CPLANE1: variants seen among roughly 807,000 people sequenced by gnomAD.
CPLANE1 encodes ciliogenesis and planar polarity effector complex subunit 1.
Under a neutral mutation model 362.5 loss-of-function variants are expected in CPLANE1, and 263 were observed. The observed-to-expected ratio is 0.73, with a 90% CI of 0.66 to 0.80. The LOEUF is 0.80. Among genes scored for constraint, CPLANE1 ranks in the 30% least tolerant of loss-of-function variants. CPLANE1 has a pLI of 0.00. For missense variants in CPLANE1, 3,461 were observed against 3,793.4 expected, an observed-to-expected ratio of 0.91 and a Z score of 2.30; for synonymous variants, 1,212 against 1,302.6, an observed-to-expected ratio of 0.93 and a Z score of 1.50.
At chr5:37,178,706 A>C (rs1166751418) in intron 29 of CPLANE1, among the ~76,000 whole-genome samples, 1 of 152,118 alleles carries the variant, frequency 6.6e-6, no homozygotes, top group African/African-American at 2.4e-5. Flanking sequence ...TGAGAAAAAT[A>C]ATATCAAAAA....
In CPLANE1 at chr5:37,183,216, T is replaced by C. The variant is rs760645012; in HGVS notation, c.4965A>G (p.Gln1655=). The part of the protein sequence containing the change: ...QKLSSSVLVN[Q]GIKPFLQYPS... ...GATATTGTAAAAAAGGTTTGATCCC[T>C]TGATTAACCAGTACTGATGATGAAA... The change falls in exon 26 of 53, where the codon CAA becomes CAG. Residue 1655 remains glutamine, a synonymous_variant. Transcript: ENST00000651892. The C allele has an allele frequency of 5.6e-6, 9 of 1,611,452 alleles. No homozygotes were observed. In the East Asian group the frequency reaches 1.8e-4, roughly 32 times the overall value.
In CPLANE1 at chr5:37,168,907, G is replaced by C; in HGVS notation, c.7117C>G (p.Pro2373Ala). 3 of 1,614,186 alleles carry C rather than the reference G, an allele frequency of 1.9e-6. No homozygotes were observed. The highest frequency in any genetic ancestry group is 2.5e-6 in the Non-Finnish European group (3 of 1,180,036). ...YLPLKPPNMF[P>A]STSRASITVP... ...GTAATAGATGCTCTTGAGGTTGATG[G>C]AAACATATTAGGAGGTTTAAGTGGC... Residue 2373 changes from proline (P) to alanine (A), a missense_variant, in exon 34 of 53, where the codon CCA becomes GCA. By Grantham distance (27) the Pro-to-Ala change is conservative. Around this residue, in one of 2 missense-constraint regions of CPLANE1, gnomAD observed 3,380 missense variants for 3,666.1 expected, o/e 0.92. Coordinates refer to ENST00000651892, the MANE Select transcript of CPLANE1 (RefSeq NM_001384732.1).
the CPLANE1 span, among the ~76,000 whole-genome samples, chr5:37,099,505 G>C: frequency 6.6e-6 from 1 of 152,104 alleles, no homozygotes; most frequent in Non-Finnish European, 1.5e-5. Context: ...AGTATTCCAT[G>C]GTGTATATGT....
At chr5:37,157,547 A>G in intron 40 of CPLANE1, 123 bp downstream of exon 40, 1 of 1,117,470 alleles carries the variant, frequency 8.9e-7, no homozygotes, top group Non-Finnish European at 1.3e-6. Context: ...ATTTCTGTGC[A>G]TGTAAACATC....
chr5:37,134,663 C>T (rs1033191503), intron 46 of CPLANE1, among the ~76,000 whole-genome samples: 17 of 151,994 alleles, frequency 1.1e-4, no homozygotes, highest in Non-Finnish European at 2.2e-4. Context: ...ATTTTAGTTA[C>T]TTATTTTCTT....
intron 8 of CPLANE1, among the ~76,000 whole-genome samples, chr5:37,236,857 C>T (rs1476015385): frequency 6.6e-6 from 1 of 151,642 alleles, no homozygotes; most frequent in African/African-American, 2.4e-5. Context: ...CAAATTAAAA[C>T]CACAACGAGA....
chr5:37,142,491 G>A lies in CPLANE1; in HGVS notation c.8462-11C>T, dbSNP rs1189920527. On this transcript the variant is annotated splice_polypyrimidine_tract_variant and intron_variant, in intron 43 of 52. Coordinates refer to ENST00000651892, the MANE Select transcript of CPLANE1 (RefSeq NM_001384732.1). ...GGGTCAAAAAACGCACTAATCCAGA[G>A]TATATATTACAATTAAAATAAAATA... is the stretch of plus-strand genomic sequence containing the variant. 1.3e-6 allele frequency: 2 copies of A among 1,506,158 alleles called. No homozygotes were observed. Among genetic ancestry groups the A allele is most frequent in the East Asian group, 2.4e-5 (1 of 41,974 alleles). The allele number at this position is 1,506,158 out of a possible 1,614,324, so 93.3% of individuals were successfully genotyped here.
intron 18 of CPLANE1, among the ~76,000 whole-genome samples, chr5:37,203,773 C>T (rs546800819): frequency 6.6e-6 from 1 of 152,326 alleles, no homozygotes; most frequent in South Asian, 2.1e-4. Context: ...TGGCCTTAGC[C>T]TCCCAAAGCA....
intron 44 of CPLANE1, chr5:37,141,648 C>T: frequency 1.0e-6 from 1 of 981,142 alleles, no homozygotes; most frequent in Non-Finnish European, 1.2e-6. Context: ...TCAGTAAAAT[C>T]ATTTTAATTG....
intron 42 of CPLANE1, among the ~76,000 whole-genome samples, chr5:37,151,435 T>C (rs1773533521): frequency 6.6e-6 from 1 of 152,230 alleles, no homozygotes; most frequent in African/African-American, 2.4e-5. Flanking sequence ...CTTCTTTTAT[T>C]AGATTTTACA....
intron 2 of CPLANE1, among the ~76,000 whole-genome samples, chr5:37,246,778 T>C (rs1739812254): frequency 6.6e-6 from 1 of 152,092 alleles, no homozygotes; most frequent in Non-Finnish European, 1.5e-5. Flanking sequence ...CATGGTGGCA[T>C]GCGTCTGTAA....
At chr5:37,118,969 C>G (rs887147883) in intron 50 of CPLANE1, among the ~76,000 whole-genome samples, 1 of 152,118 alleles carries the variant, frequency 6.6e-6, no homozygotes, top group Non-Finnish European at 1.5e-5. Context: ...ACCTCGGCCT[C>G]CCAAAGTGCT....
At position 37,167,126 on chromosome 5, in the gene CPLANE1, C is replaced by T; in HGVS notation, c.7321G>A (p.Gly2441Ser). The T allele has an allele frequency of 6.2e-7, 1 of 1,613,288 alleles. No homozygotes were observed. Among genetic ancestry groups the T allele is most frequent in the Non-Finnish European group, 8.5e-7 (1 of 1,179,550 alleles). Residue 2441 changes from glycine (G) to serine (S), a missense_variant, in exon 35 of 53, where the codon GGT becomes AGT. By Grantham distance (56) the Gly-to-Ser change is moderately conservative. Around this residue, in one of 2 missense-constraint regions of CPLANE1, gnomAD observed 3,380 missense variants for 3,666.1 expected, o/e 0.92. Transcript: ENST00000651892. ...AGAAGTTGAAGGTGTCCAGCATCAC[C>T]TTGTTCAAATAAATTATGTGTTAGT... ...QKLTHNLFEQ[G>S]DAGHLQLLKV...
chr5:37,094,560 G>A, the CPLANE1 span, among the ~76,000 whole-genome samples: 1 of 152,016 alleles, frequency 6.6e-6, no homozygotes, highest in African/African-American at 2.4e-5. Context: ...CCCAAACCTA[G>A]CAGGGGAAAG....
chr5:37,080,377 A>G, the CPLANE1 span, among the ~76,000 whole-genome samples: 1 of 152,188 alleles, frequency 6.6e-6, no homozygotes, highest in Non-Finnish European at 1.5e-5. Context: ...GGGCAGTCAC[A>G]ATGGCTGGAA....
chr5:37,097,169 C>T, the CPLANE1 span, among the ~76,000 whole-genome samples: 1 of 152,014 alleles, frequency 6.6e-6, no homozygotes, highest in Non-Finnish European at 1.5e-5. Flanking sequence ...GTCAACATAG[C>T]AAGACCCCAT....
intron 42 of CPLANE1, among the ~76,000 whole-genome samples, chr5:37,150,736 G>A (rs1028590752): frequency 6.6e-6 from 1 of 152,158 alleles, no homozygotes; most frequent in Non-Finnish European, 1.5e-5. Flanking sequence ...ATATTTAGTG[G>A]ATCTCAAACA....
At chr5:37,197,322 C>T (rs1214478172) in intron 20 of CPLANE1, among the ~76,000 whole-genome samples, 3 of 152,138 alleles carry the variant, frequency 2.0e-5, no homozygotes, top group Non-Finnish European at 4.4e-5. Context: ...AATCAAATCT[C>T]CTGGGAAGCA....
intron 51 of CPLANE1, among the ~76,000 whole-genome samples, chr5:37,110,070 C>T (rs535992708): frequency 6.6e-6 from 1 of 152,270 alleles, no homozygotes; most frequent in East Asian, 1.9e-4. Flanking sequence ...TTGTTAAAAC[C>T]CTAGCCCAAG....
Sources: allele counts gnomAD v4.1 joint callset (sites outside exome capture counted in the v4.1 genomes callset), GRCh38; gene constraint gnomAD v4.1.1; regional missense constraint gnomAD v4.1.1; transcripts MANE v1.5; gene names NCBI Gene and HGNC (gene_info 2026-07-23, HGNC 2026-07-21).